ITGB1: variants seen among roughly 807,000 people sequenced by gnomAD.
The protein encoded by ITGB1 is integrin beta-1.
A neutral mutation model predicts 86.5 loss-of-function variants in ITGB1; 24 were observed. That is an observed-to-expected ratio of 0.28 (90% confidence interval 0.20 to 0.39). The LOEUF is 0.39. ITGB1 is among the 10% of genes least tolerant of loss of function. ITGB1 has a pLI of 1.00. For missense variants in ITGB1, 556 were observed against 946.9 expected, an observed-to-expected ratio of 0.59 and a Z score of 5.42; for synonymous variants, 323 against 316.8, an observed-to-expected ratio of 1.02 and a Z score of -0.21.
chr10:32,923,926 C>G (rs1032605444), intron 6 of ITGB1, among the ~76,000 whole-genome samples, 186 bp from the exon 7 acceptor site: 1 of 152,180 alleles, frequency 6.6e-6, no homozygotes, highest in African/African-American at 2.4e-5. Flanking sequence ...GCTCTTCCAT[C>G]CCATGTACAA....
intron 11 of ITGB1, among the ~76,000 whole-genome samples, chr10:32,918,915 C>T (rs2094940293): frequency 6.6e-6 from 1 of 152,138 alleles, no homozygotes; most frequent in African/African-American, 2.4e-5. Context: ...GCAGACTTTT[C>T]AGGTTCCCTG....
chr10:32,913,619 AAG>A, intron 11 of ITGB1, among the ~76,000 whole-genome samples: 1 of 152,358 alleles, frequency 6.6e-6, no homozygotes, highest in East Asian at 1.9e-4. Context: ...AGAGAAAAAA[AAG>A]AGTAAAAAGA....
intron 1 of ITGB1, among the ~76,000 whole-genome samples, chr10:32,938,799 G>C (rs987178703): frequency 3.9e-5 from 6 of 152,232 alleles, no homozygotes; most frequent in African/African-American, 1.4e-4. Context: ...TTCTCTCAGG[G>C]AAAGGGAAAG....
intron 1 of ITGB1, among the ~76,000 whole-genome samples, chr10:32,937,224 G>T (rs1378092136): frequency 6.6e-6 from 1 of 152,016 alleles, no homozygotes; most frequent in African/African-American, 2.4e-5. Context: ...TCAAGTTTAG[G>T]GACTTATTAG....
intron 1 of ITGB1, among the ~76,000 whole-genome samples, chr10:32,946,439 T>C (rs1193790739): frequency 6.6e-6 from 1 of 152,126 alleles, no homozygotes; most frequent in African/African-American, 2.4e-5. Flanking sequence ...TGCCACCTTA[T>C]CTTAAGGGGA....
At chr10:32,907,000 C>T in intron 15 of ITGB1, 1 of 737,176 alleles carries the variant, frequency 1.4e-6, no homozygotes, top group Non-Finnish European at 2.2e-6. Context: ...ATAAAGGACA[C>T]ACAGTGCAGT....
At chr10:32,933,108 A>G (rs1027226917) in intron 2 of ITGB1, among the ~76,000 whole-genome samples, 15 of 151,976 alleles carry the variant, frequency 9.9e-5, no homozygotes, top group African/African-American at 2.9e-4. Flanking sequence ...TATCTTCATG[A>G]GTTCAATTGT....
At chr10:32,950,991 T>C (rs1477709280) in intron 1 of ITGB1, among the ~76,000 whole-genome samples, 4 of 152,108 alleles carry the variant, frequency 2.6e-5, no homozygotes, top group African/African-American at 9.7e-5. Flanking sequence ...GAAAGATAAA[T>C]AATGGATATA....
chr10:32,937,131 C>T (rs868265433), intron 1 of ITGB1, among the ~76,000 whole-genome samples: 5 of 152,220 alleles, frequency 3.3e-5, no homozygotes, highest in African/African-American at 1.2e-4. Context: ...CATATACACA[C>T]ACATTCAGTA....
intron 9 of ITGB1, 51 bp downstream of exon 9, chr10:32,922,206 T>C: frequency 9.0e-7 from 1 of 1,114,756 alleles, no homozygotes; most frequent in Non-Finnish European, 1.3e-6. Context: ...TTGTACAAAG[T>C]ATTCTCAACA....
intron 11 of ITGB1, among the ~76,000 whole-genome samples, chr10:32,919,430 A>C (rs947669649): frequency 9.8e-5 from 15 of 152,340 alleles, no homozygotes; most frequent in African/African-American, 2.6e-4. Context: ...TTTTTTAAAA[A>C]TTATTCCAAC....
Position 32,911,413 on chromosome 10 carries a change from G to GT in ITGB1, c.1931+34dup, listed in dbSNP as rs773611263. The GT allele has an allele frequency of 8.4e-6, 13 of 1,552,344 alleles. No individual in the cohort carries two copies. In the Admixed American group the frequency reaches 1.5e-4, roughly 18 times the overall value. ...ACAGGCTTAGGAGAGCCAAGAGGAA[G>GT]TATCAACTATTTCAAGCAATTAGGA... On this transcript the variant is annotated intron_variant, in intron 13 of 15. Coordinates refer to ENST00000302278, the MANE Select transcript of ITGB1 (RefSeq NM_002211.4).
In ITGB1 at chr10:32,914,875, C is replaced by T. The variant is rs1258516743; in HGVS notation, c.1470-2751G>A. Among the ~76,000 whole-genome samples, 4 of 152,086 alleles carry T rather than the reference C, an allele frequency of 2.6e-5. No homozygotes were observed. In the East Asian group the frequency reaches 7.7e-4, roughly 29 times the overall value. On this transcript the variant is annotated intron_variant, in intron 11 of 15. Transcript: ENST00000302278. The stretch of plus-strand genomic sequence containing the variant: ...AACAGAATATACATTCTTCTCAGCC[C>T]CACACCGCACTTATTGCAAAACTGA...
At chr10:32,944,963 A>G (rs2095027768) in intron 1 of ITGB1, 3 of 1,084,618 alleles carry the variant, frequency 2.8e-6, no homozygotes, top group Non-Finnish European at 4.2e-6. Flanking sequence ...TCTACAAACT[A>G]AAGTTCCACA....
chr10:32,934,042 T>G (rs1481044901), intron 2 of ITGB1, among the ~76,000 whole-genome samples: 5 of 152,174 alleles, frequency 3.3e-5, no homozygotes, highest in Non-Finnish European at 7.4e-5. Context: ...GATGATCTTA[T>G]ATATAAACCT....
At chr10:32,931,133 T>C (rs2094982192) in intron 3 of ITGB1, among the ~76,000 whole-genome samples, 1 of 152,108 alleles carries the variant, frequency 6.6e-6, no homozygotes, top group South Asian at 2.1e-4. Context: ...TGGAAGGGAA[T>C]ACCAAGAATC....
rs150774463 is a variant in ITGB1, at chr10:32,949,210, T to A, written c.-1+8935A>T. On this transcript the variant is annotated intron_variant, in intron 1 of 15. Transcript: ENST00000302278. The stretch of plus-strand genomic sequence containing the variant: ...AACTCAATGAGGTGAAGAATAATAG[T>A]GTCTTTGTTTTACAGATGAGGAAAC... Among the ~76,000 whole-genome samples the A allele has an allele frequency of 5.3e-5, 8 of 152,294 alleles. No individual in the cohort carries two copies. The East Asian group carries it at 1.2e-3, about 22-fold the overall frequency.
chr10:32,942,280 CTG>C (rs941268644), intron 1 of ITGB1, among the ~76,000 whole-genome samples: 1 of 152,060 alleles, frequency 6.6e-6, no homozygotes, highest in African/African-American at 2.4e-5. Flanking sequence ...TCATGCATGA[CTG>C]TTTTTTTCTG....
intron 11 of ITGB1, among the ~76,000 whole-genome samples, chr10:32,915,685 C>A (rs1449156547): frequency 6.6e-6 from 1 of 151,934 alleles, no homozygotes; most frequent in Non-Finnish European, 1.5e-5. Context: ...GCCTACCAAC[C>A]AAAAAAAGTC....
Sources: gnomAD v4.1 joint callset for allele counts (sites outside exome capture counted in the v4.1 genomes callset) on GRCh38, gnomAD v4.1.1 for gene constraint, MANE v1.5 for transcripts, NCBI Gene and HGNC (gene_info 2026-07-23, HGNC 2026-07-21) for gene names.